The following FAM185A variants were observed in gnomAD, a reference collection of about 807,000 sequenced individuals.
FAM185A encodes the protein protein FAM185A.
In FAM185A, 21 loss-of-function variants were observed where a neutral mutation model predicts 45.7. The ratio of observed to expected loss-of-function variants is 0.46; its 90% CI spans 0.33 to 0.66. The LOEUF (loss-of-function observed/expected upper bound fraction) is 0.66, where lower values mean the gene tolerates loss of function less well. FAM185A is among the 30% of genes least tolerant of loss of function. The pLI is 0.03. For missense variants in FAM185A, 305 were observed against 485.4 expected (o/e 0.63, Z 3.49); for synonymous variants, 117 against 194.0 (o/e 0.60, Z 3.30).
At chr7:102,822,291 A>G in the FAM185A span, 1 of 1,218,522 alleles carries the variant, frequency 8.2e-7, no homozygotes, top group Non-Finnish European at 1.2e-6. Flanking sequence ...AACTATAATA[A>G]ACTACCACAG....
At chr7:102,750,344 TGA>T (rs1210500427) in intron 1 of FAM185A, among the ~76,000 whole-genome samples, 2 of 152,114 alleles carry the variant, frequency 1.3e-5, no homozygotes, top group African/African-American at 4.8e-5. Flanking sequence ...TGGAAGATAT[TGA>T]TGATGATGAT....
chr7:102,849,446 C>A, the FAM185A span, among the ~76,000 whole-genome samples: 910 of 152,160 alleles, frequency 6.0e-3, 9 homozygotes, highest in African/African-American at 0.021. Context: ...CAAAACCTAA[C>A]CAGGGTAAAA....
chr7:102,826,837 C>A, the FAM185A span, among the ~76,000 whole-genome samples: 8 of 133,772 alleles, frequency 6.0e-5, no homozygotes, highest in African/African-American at 1.9e-4. Flanking sequence ...ATAAATATAT[C>A]TAATATATAA....
chr7:102,772,746 CT>C (rs1794833311), intron 5 of FAM185A, among the ~76,000 whole-genome samples: 2 of 151,212 alleles, frequency 1.3e-5, no homozygotes, highest in Admixed American at 6.6e-5. Flanking sequence ...AAATTAAGTC[CT>C]TGAAAGAAAG....
intron 7 of FAM185A, among the ~76,000 whole-genome samples, chr7:102,804,074 G>A (rs1000950207): frequency 1.3e-5 from 2 of 152,062 alleles, no homozygotes; most frequent in African/African-American, 4.8e-5. Context: ...CTCATGGATG[G>A]GTAGAATCAA....
intron 5 of FAM185A, among the ~76,000 whole-genome samples, chr7:102,773,365 A>C (rs976353965): frequency 2.6e-5 from 4 of 152,028 alleles, no homozygotes; most frequent in African/African-American, 9.7e-5. Context: ...TTATATTTTA[A>C]AAGAACAACC....
At chr7:102,752,606 T>C (rs1423187523) in intron 2 of FAM185A, among the ~76,000 whole-genome samples, 2 of 151,606 alleles carry the variant, frequency 1.3e-5, no homozygotes, top group Non-Finnish European at 2.9e-5. Flanking sequence ...GTGTTTTCTT[T>C]GTAGAGACAG....
the FAM185A span, among the ~76,000 whole-genome samples, chr7:102,828,696 T>C: frequency 6.6e-6 from 1 of 152,222 alleles, no homozygotes; most frequent in Non-Finnish European, 1.5e-5. Context: ...GTTTCAGTGG[T>C]CTAGAGACAT....
chr7:102,792,166 T>C (rs1187503679), intron 7 of FAM185A, among the ~76,000 whole-genome samples: 3 of 150,050 alleles, frequency 2.0e-5, no homozygotes, highest in Non-Finnish European at 2.9e-5. Flanking sequence ...AGGGTTTTGA[T>C]GTGTCAGCTC....
chr7:102,796,239 A>T (rs1051116723), intron 7 of FAM185A, among the ~76,000 whole-genome samples: 1 of 152,226 alleles, frequency 6.6e-6, no homozygotes, highest in African/African-American at 2.4e-5. Flanking sequence ...GAGCCAGCTT[A>T]TCAATCTGGG....
At chr7:102,770,981 G>C (rs1209001956) in intron 4 of FAM185A, among the ~76,000 whole-genome samples, 3 of 152,200 alleles carry the variant, frequency 2.0e-5, no homozygotes, top group Non-Finnish European at 4.4e-5. Context: ...GTGGTGGACT[G>C]GATAAAGAGA....
the FAM185A span, among the ~76,000 whole-genome samples, chr7:102,837,193 T>C: frequency 6.6e-6 from 1 of 152,164 alleles, no homozygotes; most frequent in Non-Finnish European, 1.5e-5. Context: ...TCAGAGCAAG[T>C]GGGACTGGTC....
In FAM185A at chr7:102,760,310, G is replaced by C. The variant is rs184789997; in HGVS notation, c.655-963G>C. ...GCAATACCTCTGTCAGGAAGATACT[G>C]ATTTTTAAATCTACTTTTTGTTCTG... On this transcript the variant is annotated intron_variant, in intron 3 of 7. Transcript: ENST00000413034. 2.6e-3 allele frequency among the ~76,000 whole-genome samples: 390 copies of C among 152,082 alleles called. 1 individual carries two copies. Among genetic ancestry groups the C allele is most frequent in the Middle Eastern group, 3.4e-3 (1 of 292 alleles).
chr7:102,812,879 G>A (rs1344136967), downstream of FAM185A, among the ~76,000 whole-genome samples: 1 of 128,052 alleles, frequency 7.8e-6, no homozygotes, highest in Non-Finnish European at 1.6e-5. Flanking sequence ...GTCTTGCTCT[G>A]TCGCCGAGGC....
chr7:102,824,065 C>T, the FAM185A span, among the ~76,000 whole-genome samples: 6 of 152,148 alleles, frequency 3.9e-5, no homozygotes, highest in Non-Finnish European at 8.8e-5. Context: ...ACTAGGAGAG[C>T]TGAAAAGGAG....
chr7:102,839,813 C>T, the FAM185A span, among the ~76,000 whole-genome samples: 1 of 151,906 alleles, frequency 6.6e-6, no homozygotes, highest in Non-Finnish European at 1.5e-5. Flanking sequence ...ATTATATAGG[C>T]ATAAACTATT....
the FAM185A span, among the ~76,000 whole-genome samples, chr7:102,827,465 T>C: frequency 6.6e-6 from 1 of 152,154 alleles, no homozygotes; most frequent in Non-Finnish European, 1.5e-5. Flanking sequence ...CAGCAAAAGA[T>C]CAGCCAATAC....
downstream of FAM185A, among the ~76,000 whole-genome samples, chr7:102,810,011 C>A (rs992374428): frequency 4.6e-5 from 7 of 152,162 alleles, no homozygotes; most frequent in Non-Finnish European, 1.0e-4. Flanking sequence ...CCTGCTCCCA[C>A]TTTGCCTTCT....
At chr7:102,759,901 C>T (rs1447352072) in intron 3 of FAM185A, among the ~76,000 whole-genome samples, 2 of 152,062 alleles carry the variant, frequency 1.3e-5, no homozygotes, top group African/African-American at 4.8e-5. Context: ...TCTAGACCTA[C>T]CAGTTAGCTT....
Sources: allele counts gnomAD v4.1 joint callset (sites outside exome capture counted in the v4.1 genomes callset), GRCh38; gene constraint gnomAD v4.1.1; transcripts MANE v1.5; gene names NCBI Gene and HGNC (gene_info 2026-07-23, HGNC 2026-07-21).